The following KTN1 variants were observed in gnomAD, a reference collection of about 807,000 sequenced individuals.
KTN1 encodes the protein kinectin.
In KTN1, 130 loss-of-function variants were observed where a neutral mutation model predicts 222.5. That is an observed-to-expected ratio of 0.58 (90% confidence interval 0.51 to 0.68). The LOEUF is 0.68. KTN1 is among the 30% of genes least tolerant of loss of function. The pLI, the probability that KTN1 is intolerant of heterozygous loss-of-function variation, is 0.00. For missense variants in KTN1, 1,508 were observed against 1,500.4 expected (o/e 1.01, Z -0.08); for synonymous variants, 512 against 496.3 (o/e 1.03, Z -0.42).
chr14:55,594,508 T>C (rs1006714582), intron 1 of KTN1, among the ~76,000 whole-genome samples: 3 of 151,806 alleles, frequency 2.0e-5, no homozygotes, highest in Non-Finnish European at 4.4e-5. Flanking sequence ...GTTTTTTTTT[T>C]TTTTTTTTCA....
intron 3 of KTN1, 84 bp downstream of exon 3, chr14:55,616,738 T>G (rs2038455120): frequency 5.5e-6 from 6 of 1,100,530 alleles, no homozygotes; most frequent in Admixed American, 5.3e-5. Flanking sequence ...CACACGCTCT[T>G]TAGCTCCCAG....
intron 41 of KTN1, among the ~76,000 whole-genome samples, chr14:55,677,944 C>T (rs1011608330): frequency 6.6e-5 from 10 of 152,172 alleles, no homozygotes; most frequent in South Asian, 2.1e-4. Context: ...GTGATCCGCC[C>T]GCCTTGGCCT....
intron 1 of KTN1, among the ~76,000 whole-genome samples, chr14:55,599,722 T>C (rs1000710026): frequency 4.6e-5 from 7 of 151,938 alleles, no homozygotes; most frequent in Non-Finnish European, 1.0e-4. Context: ...AGGTGATCCG[T>C]GAGCCATTTT....
At chr14:55,627,862 A>G (rs2040040090) in intron 5 of KTN1, 50 bp from the exon 6 acceptor site, 1 of 1,056,102 alleles carries the variant, frequency 9.5e-7, no homozygotes, top group Non-Finnish European at 1.5e-6. Context: ...CATAATTTTT[A>G]TTAGCCCATG....
chr14:55,596,801 CTT>C (rs553227535), intron 1 of KTN1, among the ~76,000 whole-genome samples: 13 of 140,960 alleles, frequency 9.2e-5, no homozygotes, highest in South Asian at 2.3e-4. Context: ...AGAATAGAAC[CTT>C]TTTTTTTTTT....
chr14:55,646,468 T>TC (rs1566788323), intron 18 of KTN1, among the ~76,000 whole-genome samples: 73 of 35,464 alleles, frequency 2.1e-3, no homozygotes, highest in African/African-American at 8.5e-3. Context: ...CCTTTTCCTT[T>TC]CCTTTCCTTT....
intron 41 of KTN1, 105 bp downstream of exon 41, chr14:55,676,023 A>C: frequency 1.4e-6 from 1 of 691,400 alleles, no homozygotes; most frequent in Middle Eastern, 2.5e-4. Context: ...TTTGCATCAT[A>C]ATATTAACCT....
intron 12 of KTN1, 138 bp from the exon 13 acceptor site, chr14:55,639,047 C>T: frequency 1.8e-6 from 1 of 560,806 alleles, no homozygotes. Flanking sequence ...CTTTATTGAA[C>T]ACTTACCATG....
intron 27 of KTN1, 76 bp downstream of exon 27, chr14:55,653,161 T>C: frequency 1.0e-6 from 1 of 972,322 alleles, no homozygotes; most frequent in South Asian, 1.5e-5. Context: ...AAAGTAAAGA[T>C]GTTAATATGT....
At chr14:55,649,878 T>C in intron 22 of KTN1, 65 bp downstream of exon 22, 1 of 896,662 alleles carries the variant, frequency 1.1e-6, no homozygotes. Flanking sequence ...TGTGTGTGCT[T>C]AGAAATCTAG....
chr14:55,618,046 G>A lies in KTN1; in HGVS notation c.744G>A (p.Lys248=). The change falls in exon 4 of 44, where the codon AAG becomes AAA. Residue 248 remains lysine (K), a synonymous_variant. Coordinates refer to ENST00000395314, the MANE Select transcript of KTN1 (RefSeq NM_001079521.2). The part of the protein sequence containing the change: ...DNADSSPVVD[K]REVIDLLKPD... ...CTGACTCAAGTCCTGTGGTAGATAA[G>A]AGAGAGGTTATTGATTTGCTTAAAC... The A allele has an allele frequency of 6.2e-7, 1 of 1,612,880 alleles. No individual in the cohort carries two copies. The highest frequency in any genetic ancestry group is 8.5e-7 in the Non-Finnish European group (1 of 1,179,162).
At chr14:55,655,708 T>C (rs1241814969) in intron 28 of KTN1, among the ~76,000 whole-genome samples, 2 of 152,182 alleles carry the variant, frequency 1.3e-5, no homozygotes, top group African/African-American at 2.4e-5. Flanking sequence ...ATTTCCAGGG[T>C]CAACAAATTA....
intron 1 of KTN1, among the ~76,000 whole-genome samples, chr14:55,604,788 G>C (rs1035958384): frequency 3.8e-4 from 58 of 152,038 alleles, no homozygotes; most frequent in African/African-American, 1.4e-3. Flanking sequence ...GATTTAAGCT[G>C]GGTTTTGAAG....
Position 55,640,365 on chromosome 14 carries a change from T to A in KTN1, c.1915-9T>A, listed in dbSNP as rs2041648924. ...TAAGTATTTTAAATGCTATTTTTCC[T>A]TGTTCTAGGATATACAGAATATGAA... On this transcript the variant is annotated splice_polypyrimidine_tract_variant and intron_variant, in intron 14 of 43. Coordinates refer to ENST00000395314, the MANE Select transcript of KTN1 (RefSeq NM_001079521.2). The A allele has an allele frequency of 1.9e-6, 3 of 1,550,958 alleles. No individual in the cohort carries two copies. The highest frequency in any genetic ancestry group is 2.6e-6 in the Non-Finnish European group (3 of 1,133,292).
rs565553801 is a variant in KTN1, at chr14:55,673,064, A to C, written c.3687+52A>C. 7.9e-6 allele frequency: 12 copies of C among 1,519,808 alleles called. No homozygotes were observed. In the South Asian group the frequency reaches 1.2e-4, roughly 16 times the overall value. 94.1% of individuals were successfully genotyped at this position (1,519,808 alleles called of 1,614,324 possible). Reference sequence around the variant, plus strand: ...TTGCTTCTCAATTCAGATTAAGTTTATAACAGTGATATTTCAGTATAAGTT... The same window carrying C: ...TTGCTTCTCAATTCAGATTAAGTTTCTAACAGTGATATTTCAGTATAAGTT... On this transcript the variant is annotated intron_variant, in intron 39 of 43. Transcript: ENST00000395314.
chr14:55,582,735 T>G (rs189593061), intron 1 of KTN1, among the ~76,000 whole-genome samples: 8 of 152,280 alleles, frequency 5.3e-5, no homozygotes, highest in Admixed American at 3.3e-4. Flanking sequence ...ACTTAAGTGG[T>G]TCTAGGAAGG....
At chr14:55,626,843 G>C (rs1373503325) in intron 5 of KTN1, among the ~76,000 whole-genome samples, 8 of 151,806 alleles carry the variant, frequency 5.3e-5, no homozygotes, top group Non-Finnish European at 1.2e-4. Context: ...TTTTCCTCTT[G>C]AGATGTGGGA....
chr14:55,645,203 C>G (rs976763990), intron 18 of KTN1, among the ~76,000 whole-genome samples: 5 of 152,142 alleles, frequency 3.3e-5, no homozygotes, highest in African/African-American at 1.2e-4. Flanking sequence ...AGCTAAGAGA[C>G]AGTCCAGGCT....
chr14:55,662,275 G>A (rs1595194496), intron 32 of KTN1, among the ~76,000 whole-genome samples: 1 of 152,038 alleles, frequency 6.6e-6, no homozygotes, highest in South Asian at 2.1e-4. Context: ...TTACCATGTA[G>A]GCCAGGCTGG....
Sources: allele counts gnomAD v4.1 joint callset (sites outside exome capture counted in the v4.1 genomes callset), GRCh38; gene constraint gnomAD v4.1.1; transcripts MANE v1.5; gene names NCBI Gene and HGNC (gene_info 2026-07-23, HGNC 2026-07-21).